SPATA7: variants seen among roughly 807,000 people sequenced by gnomAD.
SPATA7 encodes the protein spermatogenesis-associated protein 7.
SPATA7 carries 43 observed loss-of-function variants against 51.8 expected under a neutral mutation model. That is an observed-to-expected ratio of 0.83 (90% CI 0.65 to 1.07). The LOEUF is 1.07. Ranked by LOEUF, SPATA7 falls within the 50% of genes least tolerant of loss-of-function variation. The pLI is 0.00. For missense variants in SPATA7, 683 were observed against 701.3 expected, an observed-to-expected ratio of 0.97 and a Z score of 0.30; for synonymous variants, 230 against 252.8, an observed-to-expected ratio of 0.91 and a Z score of 0.86.
chr14:88,464,772 CCATTT>C (rs2077344263), intron 4 of SPATA7, among the ~76,000 whole-genome samples: 1 of 152,156 alleles, frequency 6.6e-6, no homozygotes, highest in Non-Finnish European at 1.5e-5. Flanking sequence ...TTTCCTGTTT[CCATTT>C]CTTTATGCAA....
intron 4 of SPATA7, among the ~76,000 whole-genome samples, chr14:88,402,190 ATAAT>A (rs1482527314): frequency 6.6e-6 from 1 of 152,244 alleles, no homozygotes; most frequent in Non-Finnish European, 1.5e-5. Flanking sequence ...ATGAATTGGA[ATAAT>A]TAATATTGTT....
At chr14:88,435,152 C>G (rs1055665217) in intron 10 of SPATA7, among the ~76,000 whole-genome samples, 2 of 152,120 alleles carry the variant, frequency 1.3e-5, no homozygotes, top group South Asian at 2.1e-4. Context: ...ATCTTTCCCT[C>G]CCTACATTGG....
At chr14:88,459,853 C>T (rs1047613842), downstream of SPATA7, among the ~76,000 whole-genome samples, 1 of 151,854 alleles carries the variant, frequency 6.6e-6, no homozygotes, top group Non-Finnish European at 1.5e-5. Context: ...TGGCTGGTAC[C>T]AGTCGTTCCT....
At chr14:88,417,921 T>G (rs1165623449) in intron 5 of SPATA7, among the ~76,000 whole-genome samples, 1 of 152,192 alleles carries the variant, frequency 6.6e-6, no homozygotes, top group Non-Finnish European at 1.5e-5. Context: ...GAACTCAACA[T>G]TAAAATTGTC....
chr14:88,398,085 A>G (rs972292751), intron 4 of SPATA7, among the ~76,000 whole-genome samples: 2 of 151,676 alleles, frequency 1.3e-5, no homozygotes, highest in Non-Finnish European at 2.9e-5. Context: ...CCGTCTCAAA[A>G]AAAAAAAAGA....
At chr14:88,425,036 G>C (rs1291373706) in intron 5 of SPATA7, among the ~76,000 whole-genome samples, 2 of 152,054 alleles carry the variant, frequency 1.3e-5, no homozygotes, top group East Asian at 3.8e-4. Context: ...TTTTTAAGTA[G>C]ACAATATGAT....
At chr14:88,455,094 C>A in exon 4 of SPATA7, 1 of 455,880 alleles carries the variant, frequency 2.2e-6, no homozygotes, top group Non-Finnish European at 4.4e-6. Context: ...CCGAAAACAA[C>A]CCCACTGGAA....
intron 4 of SPATA7, among the ~76,000 whole-genome samples, chr14:88,402,774 A>AAG (rs1344530840): frequency 6.6e-6 from 1 of 152,146 alleles, no homozygotes; most frequent in Non-Finnish European, 1.5e-5. Context: ...ATGACTCTGA[A>AAG]AGCCAGGCAA....
intron 4 of SPATA7, among the ~76,000 whole-genome samples, chr14:88,399,433 A>G (rs2075994622): frequency 6.6e-6 from 1 of 152,250 alleles, no homozygotes; most frequent in African/African-American, 2.4e-5. Context: ...GCAAGAGTAG[A>G]GACTTCTTAG....
At chr14:88,393,813 A>T (rs538031411) in intron 3 of SPATA7, among the ~76,000 whole-genome samples, 46 of 152,322 alleles carry the variant, frequency 3.0e-4, no homozygotes, top group African/African-American at 1.1e-3. Flanking sequence ...TGCACAAAGA[A>T]GATGCTATTT....
At chr14:88,422,787 A>C (rs1156946403) in intron 5 of SPATA7, among the ~76,000 whole-genome samples, 1 of 151,806 alleles carries the variant, frequency 6.6e-6, no homozygotes, top group Non-Finnish European at 1.5e-5. Context: ...CTTTGCCTAC[A>C]TTTTTGATAA....
intron 5 of SPATA7, among the ~76,000 whole-genome samples, chr14:88,420,449 G>C (rs2076610190): frequency 6.6e-6 from 1 of 152,176 alleles, no homozygotes; most frequent in African/African-American, 2.4e-5. Flanking sequence ...ATTAGTTCAA[G>C]AAAAATCATT....
intron 3 of SPATA7, among the ~76,000 whole-genome samples, chr14:88,454,182 C>A (rs2077269416): frequency 6.6e-6 from 1 of 152,166 alleles, no homozygotes; most frequent in Admixed American, 6.6e-5. Context: ...GAGCCACATT[C>A]CTCTTGGAGG....
At chr14:88,416,679 C>T (rs771425592) in intron 4 of SPATA7, 32 bp from the exon 5 acceptor site, 2 of 1,609,584 alleles carry the variant, frequency 1.2e-6, no homozygotes, top group East Asian at 2.2e-5. Flanking sequence ...CTATTTTGTT[C>T]CATATTTTGA....
chr14:88,411,594 A>T (rs1369058929), intron 4 of SPATA7, among the ~76,000 whole-genome samples: 2 of 152,110 alleles, frequency 1.3e-5, no homozygotes, highest in East Asian at 3.9e-4. Context: ...CTCACAGGAT[A>T]GTCCCTCATG....
chr14:88,469,003 C>A lies in SPATA7; in HGVS notation c.255-844C>A, dbSNP rs150207988. On this transcript the variant is annotated intron_variant, in intron 4 of 4. Coordinates refer to the SPATA7 transcript ENST00000556406. The surrounding 1 kb of genome is among the most constrained non-coding windows in gnomAD (Gnocchi z 4.3). ...CCCCAGCACTGCAGTGGACCAACAA[C>A]GGAGGGTTGGGGCTTTGGGGATCAC... 9.3e-6 allele frequency: 15 copies of A among 1,614,162 alleles called. 1 individual carries two copies. In the South Asian group the frequency reaches 1.6e-4, roughly 18 times the overall value.
intron 5 of SPATA7, among the ~76,000 whole-genome samples, chr14:88,420,007 A>C (rs1009075793): frequency 6.6e-6 from 1 of 152,124 alleles, no homozygotes. Context: ...ATAGGATGTC[A>C]CTTCTGTGAT....
At chr14:88,387,237 T>C (rs1034908849) in intron 1 of SPATA7, among the ~76,000 whole-genome samples, 2 of 152,116 alleles carry the variant, frequency 1.3e-5, no homozygotes, top group Non-Finnish European at 2.9e-5. Context: ...ACATTTAGAG[T>C]ATGGTAGATT....
rs555322958 is a variant in SPATA7 at position 88,460,401 on chromosome 14, T to C, written c.255-9446T>C. ...AGTCCCATATTTCTTGGAGGCTTTG[T>C]TCATTTCCTTTTACTCTTTTTTCTC... On this transcript the variant is annotated intron_variant, in intron 4 of 4. Transcript: ENST00000556406. Among the ~76,000 whole-genome samples the C allele has an allele frequency of 1.1e-3, 168 of 151,528 alleles. 1 individual carries two copies. The highest frequency in any genetic ancestry group is 3.8e-3 in the African/African-American group (159 of 41,310).
Sources: gnomAD v4.1 joint callset for allele counts (sites outside exome capture counted in the v4.1 genomes callset) on GRCh38, gnomAD v4.1.1 for gene constraint, Gnocchi (gnomAD v3.1) non-coding constraint, MANE v1.5 for transcripts, NCBI Gene and HGNC (gene_info 2026-07-23, HGNC 2026-07-21) for gene names.